Variants in FMN1 observed in about 807,000 individuals in gnomAD.
The protein encoded by FMN1 is formin 1.
Under a neutral mutation model 132.4 loss-of-function variants are expected in FMN1, and 110 were observed. The observed-to-expected ratio is 0.83, with a 90% CI of 0.71 to 0.97. The LOEUF (loss-of-function observed/expected upper bound fraction) is 0.97. Ranked by LOEUF, FMN1 falls within the 50% of genes least tolerant of loss-of-function variation. FMN1 has a pLI of 0.00. For missense variants in FMN1, 1,792 were observed against 1,705.3 expected, an observed-to-expected ratio of 1.05 and a Z score of -0.90; for synonymous variants, 722 against 651.7, an observed-to-expected ratio of 1.11 and a Z score of -1.64.
chr15:33,113,205 G>C (rs887794432), intron 4 of FMN1, among the ~76,000 whole-genome samples: 3 of 152,050 alleles, frequency 2.0e-5, no homozygotes, highest in Non-Finnish European at 2.9e-5. Context: ...TTGTTAGGGG[G>C]TTGCTCACTT....
chr15:32,779,529 C>G lies in FMN1; in HGVS notation c.4131-2610G>C, dbSNP rs574296681. On this transcript the variant is annotated intron_variant, in intron 19 of 20. Coordinates refer to ENST00000616417, the MANE Select transcript of FMN1 (RefSeq NM_001277313.2). ...TAAAACTGAAAGCATGTACACTCTA[C>G]GAGCCATCAAGTTTTCTTGTAGGGA... Among the ~76,000 whole-genome samples, 3 of 152,118 alleles carry G rather than the reference C, an allele frequency of 2.0e-5. No homozygotes were observed. In the South Asian group the frequency reaches 6.2e-4, roughly 32 times the overall value.
chr15:32,966,734 A>G (rs888707578), intron 8 of FMN1, among the ~76,000 whole-genome samples: 2 of 152,224 alleles, frequency 1.3e-5, no homozygotes, highest in African/African-American at 4.8e-5. Context: ...GCTTCCCAGA[A>G]GAGCAAGACC....
chr15:33,120,484 G>C (rs536010766), intron 4 of FMN1, among the ~76,000 whole-genome samples: 1 of 152,242 alleles, frequency 6.6e-6, no homozygotes, highest in South Asian at 2.1e-4. Context: ...CATGTTTATT[G>C]GTGGACATTC....
intron 4 of FMN1, among the ~76,000 whole-genome samples, chr15:33,120,855 T>A (rs1450010379): frequency 1.3e-5 from 2 of 152,312 alleles, no homozygotes; most frequent in East Asian, 3.9e-4. Flanking sequence ...TACTTTCCAT[T>A]TTTTTACAAG....
At chr15:32,927,729 G>C (rs1187007559) in intron 9 of FMN1, among the ~76,000 whole-genome samples, 1 of 152,032 alleles carries the variant, frequency 6.6e-6, no homozygotes, top group Non-Finnish European at 1.5e-5. Context: ...ATATCACGAA[G>C]CTGCCACTAA....
chr15:32,867,086 C>T (rs1187472314), intron 16 of FMN1, among the ~76,000 whole-genome samples: 2 of 152,182 alleles, frequency 1.3e-5, no homozygotes. Context: ...CACAGTTTCA[C>T]CTCCTACGGA....
chr15:32,827,603 C>A (rs999444080), intron 17 of FMN1, among the ~76,000 whole-genome samples: 1 of 152,136 alleles, frequency 6.6e-6, no homozygotes, highest in African/African-American at 2.4e-5. Flanking sequence ...GTAATCCCAG[C>A]ACTCTGGGAG....
chr15:32,889,726 T>C (rs937518880), intron 15 of FMN1, among the ~76,000 whole-genome samples: 4 of 86,400 alleles, frequency 4.6e-5, no homozygotes, highest in African/African-American at 1.2e-4. Context: ...GTTTCTCCCC[T>C]GTTCTCCAAA....
In FMN1 at chr15:33,017,926, G is replaced by A. The variant is rs372155942; in HGVS notation, c.2162-9851C>T. The stretch of plus-strand genomic sequence containing the variant: ...CCAAAAATACAAAAATTTGCTGGGT[G>A]TGGTGGCTCGCACCTGTAATCCCAG... On this transcript the variant is annotated intron_variant, in intron 6 of 20. Transcript: ENST00000616417. Among the ~76,000 whole-genome samples the A allele has an allele frequency of 1.1e-4, 16 of 152,246 alleles. No individual in the cohort carries two copies. In the East Asian group the frequency reaches 2.1e-3, roughly 20 times the overall value.
rs147970933 is a variant in FMN1, at chr15:33,144,299, C to T, written c.1867+8749G>A. On this transcript the variant is annotated intron_variant, in intron 4 of 20. Transcript: ENST00000616417. ...GGGAGTACCTCAGAGGTATCCTATACGATCTCTGCCCTCAAGTTTTTTTAT... is the reference window on the plus strand; with the variant it reads ...GGGAGTACCTCAGAGGTATCCTATATGATCTCTGCCCTCAAGTTTTTTTAT... Among the ~76,000 whole-genome samples the T allele has an allele frequency of 2.7e-3, 409 of 152,242 alleles. 3 individuals carry two copies. Among genetic ancestry groups the T allele is most frequent in the African/African-American group, 8.7e-3 (363 of 41,546 alleles).
In FMN1 at chr15:32,964,048, C is replaced by CACACACACACAT. The variant is rs753118665; in HGVS notation, c.3138+58_3138+59insATGTGTGTGTGT. 314 of 1,124,920 alleles carry CACACACACACAT rather than the reference C, an allele frequency of 2.8e-4. No individual in the cohort carries two copies. In the African/African-American group the frequency reaches 5.2e-3, roughly 19 times the overall value. 69.7% of individuals were successfully genotyped at this position (1,124,920 alleles called of 1,614,324 possible). A position where few individuals can be genotyped will look rare whatever the true frequency, so the allele number is the denominator to read the frequency against. ...ACACACACACACACACACACACACA[C>CACACACACACAT]ATATATACCATTTCCCTGTATAATA... On this transcript the variant is annotated intron_variant, in intron 9 of 20. Transcript: ENST00000616417.
intron 3 of FMN1, among the ~76,000 whole-genome samples, chr15:33,162,012 T>C (rs1237113571): frequency 6.6e-6 from 1 of 152,138 alleles, no homozygotes; most frequent in Non-Finnish European, 1.5e-5. Flanking sequence ...TGCTTTCCTT[T>C]TTGTTTTTCT....
At chr15:33,066,576 A>T in intron 5 of FMN1, 1 of 1,585,624 alleles carries the variant, frequency 6.3e-7, no homozygotes, top group Non-Finnish European at 8.6e-7. Flanking sequence ...GCTCTTAGCG[A>T]CTCCTTCTCA....
chr15:33,099,302 T>C (rs2039203944), intron 4 of FMN1, among the ~76,000 whole-genome samples: 1 of 152,128 alleles, frequency 6.6e-6, no homozygotes. Context: ...AATAAGTCAA[T>C]CTATCAATAA....
At chr15:32,955,805 G>A (rs939164983) in intron 9 of FMN1, among the ~76,000 whole-genome samples, 7 of 138,428 alleles carry the variant, frequency 5.1e-5, no homozygotes, top group African/African-American at 1.6e-4. Context: ...ATGTGTGTGC[G>A]TGTGCGTGTG....
At chr15:33,070,732 T>G (rs2037966289) in intron 5 of FMN1, among the ~76,000 whole-genome samples, 1 of 152,176 alleles carries the variant, frequency 6.6e-6, no homozygotes, top group Admixed American at 6.5e-5. Flanking sequence ...CTTGCCAAAC[T>G]TAACACAGCT....
chr15:32,817,219 C>A (rs945452562), intron 17 of FMN1, among the ~76,000 whole-genome samples: 32 of 152,172 alleles, frequency 2.1e-4, no homozygotes, highest in Non-Finnish European at 2.4e-4. Flanking sequence ...GAATAGACTA[C>A]CAGAACGTCC....
intron 16 of FMN1, among the ~76,000 whole-genome samples, chr15:32,864,617 C>T (rs2059350058): frequency 6.6e-6 from 1 of 152,190 alleles, no homozygotes; most frequent in African/African-American, 2.4e-5. Flanking sequence ...ACTCCGAATT[C>T]CCAGTTGTCC....
chr15:33,114,211 T>C (rs1352932341), intron 4 of FMN1, among the ~76,000 whole-genome samples: 1 of 152,198 alleles, frequency 6.6e-6, no homozygotes, highest in Non-Finnish European at 1.5e-5. Context: ...AGGCACCACA[T>C]GGCCTCCTAG....
Sources: allele counts gnomAD v4.1 joint callset (sites outside exome capture counted in the v4.1 genomes callset), GRCh38; gene constraint gnomAD v4.1.1; transcripts MANE v1.5; gene names NCBI Gene and HGNC (gene_info 2026-07-23, HGNC 2026-07-21).